The following PTPRZ1 variants were observed in gnomAD, a reference collection of about 807,000 sequenced individuals.
The protein encoded by PTPRZ1 is receptor-type tyrosine-protein phosphatase zeta.
In PTPRZ1, 82 loss-of-function variants were observed where a neutral mutation model predicts 214.1. The ratio of observed to expected loss-of-function variants is 0.38; its 90% CI spans 0.32 to 0.46. The LOEUF (loss-of-function observed/expected upper bound fraction) is 0.46. Among genes scored for constraint, PTPRZ1 ranks in the 20% least tolerant of loss-of-function variants. The pLI, the probability that PTPRZ1 is intolerant of heterozygous loss-of-function variation, is 1.00. For missense variants in PTPRZ1, 2,603 were observed against 2,748.7 expected, an observed-to-expected ratio of 0.95 and a Z score of 1.19; for synonymous variants, 945 against 987.9, an observed-to-expected ratio of 0.96 and a Z score of 0.81.
intron 1 of PTPRZ1, among the ~76,000 whole-genome samples, chr7:121,911,506 G>A (rs1038297609): frequency 9.2e-5 from 14 of 151,948 alleles, no homozygotes; most frequent in African/African-American, 2.9e-4. Flanking sequence ...TTTCTAGATT[G>A]CGTACATTTA....
Position 122,013,618 on chromosome 7 carries a change from T to G in PTPRZ1, c.4572T>G (p.Ile1524Met). Residue 1524 changes from isoleucine (I) to methionine (M), a missense_variant, in exon 12 of 30, where the codon ATT becomes ATG. By Grantham distance (10) the Ile-to-Met change is conservative (BLOSUM62 1). Coordinates refer to ENST00000393386, the MANE Select transcript of PTPRZ1 (RefSeq NM_002851.3). ...KHNDGKEENDIQTGSALLPLS... is the reference protein window; with the variant it reads ...KHNDGKEENDMQTGSALLPLS... The stretch of plus-strand genomic sequence containing the variant: ...ATGATGGAAAAGAGGAAAATGACAT[T>G]CAGACTGGTAGTGCTCTGCTTCCTC... The G allele has an allele frequency of 6.2e-7, 1 of 1,614,166 alleles. No homozygotes were observed. Among genetic ancestry groups the G allele is most frequent in the Non-Finnish European group, 8.5e-7 (1 of 1,180,024 alleles).
chr7:121,943,039 C>T (rs1178449335), intron 2 of PTPRZ1, among the ~76,000 whole-genome samples: 1 of 152,070 alleles, frequency 6.6e-6, no homozygotes. Flanking sequence ...TATTTATTAT[C>T]TGTTTGGTAT....
At chr7:122,006,101 A>G (rs1056883683) in intron 11 of PTPRZ1, among the ~76,000 whole-genome samples, 2 of 152,122 alleles carry the variant, frequency 1.3e-5, no homozygotes, top group Non-Finnish European at 2.9e-5. Context: ...TGAATAGGCT[A>G]CACATGTGAC....
intron 11 of PTPRZ1, among the ~76,000 whole-genome samples, chr7:122,006,294 T>G (rs1027129293): frequency 6.6e-6 from 1 of 152,118 alleles, no homozygotes; most frequent in Non-Finnish European, 1.5e-5. Flanking sequence ...TATATATTAT[T>G]GCTAACTGTA....
intron 1 of PTPRZ1, among the ~76,000 whole-genome samples, chr7:121,909,994 A>T (rs1795222708): frequency 6.6e-6 from 1 of 152,206 alleles, no homozygotes; most frequent in Non-Finnish European, 1.5e-5. Context: ...AGGGCAAAAA[A>T]TACTGTGATA....
chr7:122,001,637 T>C (rs1376130384), intron 10 of PTPRZ1, among the ~76,000 whole-genome samples: 3 of 152,232 alleles, frequency 2.0e-5, no homozygotes, highest in Admixed American at 1.3e-4. Context: ...TCGTGCACTG[T>C]GAAACTTGGC....
At chr7:122,046,870 TG>T (rs147827021) in intron 23 of PTPRZ1, among the ~76,000 whole-genome samples, 5,147 of 152,234 alleles carry the variant, frequency 0.034, 114 homozygotes, top group Non-Finnish European at 0.054. Context: ...AGCGTAGAGA[TG>T]GTTCCTTGAA....
At chr7:122,058,217 G>A (rs2150495628) in intron 27 of PTPRZ1, among the ~76,000 whole-genome samples, 1 of 151,738 alleles carries the variant, frequency 6.6e-6, no homozygotes, top group South Asian at 2.1e-4. Context: ...TTTTAAAAAA[G>A]GTATCATTTT....
At chr7:121,954,035 G>A (rs1459405450) in intron 2 of PTPRZ1, among the ~76,000 whole-genome samples, 1 of 152,068 alleles carries the variant, frequency 6.6e-6, no homozygotes, top group East Asian at 1.9e-4. Flanking sequence ...CAACTAACCA[G>A]TTCTGAATTT....
rs926408148 is a variant in PTPRZ1 at position 122,058,814 on chromosome 7, T to G, written c.6543T>G (p.Leu2181=). 2 of 1,606,246 alleles carry G rather than the reference T, an allele frequency of 1.2e-6. No homozygotes were observed. The highest frequency in any genetic ancestry group is 1.3e-5 in the African/African-American group (1 of 74,664). ...TCTTGTTATAGGATGATTATGTACT[T>G]GAAGTGAGGCACTTTCAGTGTCCTA... is the stretch of plus-strand genomic sequence containing the variant. ...ILEATQDDYV[L]EVRHFQCPKW... The change falls in exon 28 of 30, where the codon CTT becomes CTG. Residue 2181 remains leucine (L), a synonymous_variant. Transcript: ENST00000393386.
chr7:121,877,455 T>C (rs552478534), intron 1 of PTPRZ1, among the ~76,000 whole-genome samples: 45 of 152,298 alleles, frequency 3.0e-4, no homozygotes, highest in African/African-American at 9.9e-4. Flanking sequence ...TTTTTATCCT[T>C]TTTTGAAAAT....
intron 23 of PTPRZ1, among the ~76,000 whole-genome samples, chr7:122,044,860 C>T (rs1380354178): frequency 3.3e-5 from 5 of 151,802 alleles, no homozygotes; most frequent in African/African-American, 1.2e-4. Context: ...ACAGAAAGAA[C>T]TTGTAAAACA....
intron 1 of PTPRZ1, among the ~76,000 whole-genome samples, chr7:121,887,390 C>A (rs1194935296): frequency 3.3e-5 from 5 of 152,086 alleles, no homozygotes; most frequent in African/African-American, 1.2e-4. Flanking sequence ...GTAAGCAACT[C>A]GAGATCACAT....
chr7:121,884,493 G>A (rs1262503124), intron 1 of PTPRZ1, among the ~76,000 whole-genome samples: 1 of 152,012 alleles, frequency 6.6e-6, no homozygotes, highest in Non-Finnish European at 1.5e-5. Flanking sequence ...TTTAATTGTA[G>A]CATATATTCT....
At chr7:122,015,726 A>G (rs538375631) in intron 12 of PTPRZ1, among the ~76,000 whole-genome samples, 1 of 152,138 alleles carries the variant, frequency 6.6e-6, no homozygotes, top group African/African-American at 2.4e-5. Context: ...GAGATGCTAA[A>G]CCTAAAATTA....
intron 1 of PTPRZ1, among the ~76,000 whole-genome samples, chr7:121,919,668 A>G (rs938280203): frequency 6.6e-6 from 1 of 152,040 alleles, no homozygotes; most frequent in African/African-American, 2.4e-5. Flanking sequence ...GTACAATTTA[A>G]TTTTTTTCAC....
intron 25 of PTPRZ1, 64 bp downstream of exon 25, chr7:122,052,003 G>A: frequency 7.5e-7 from 1 of 1,340,330 alleles, no homozygotes; most frequent in Non-Finnish European, 1.0e-6. Flanking sequence ...ACCAGAATGG[G>A]CTGCCAGAAG....
chr7:121,920,358 A>G (rs1333660675), intron 1 of PTPRZ1, among the ~76,000 whole-genome samples: 2 of 152,166 alleles, frequency 1.3e-5, no homozygotes, highest in African/African-American at 2.4e-5. Flanking sequence ...ATACATAAAT[A>G]TAATAACACA....
chr7:121,978,595 C>T (rs1797512710), intron 6 of PTPRZ1, among the ~76,000 whole-genome samples: 1 of 152,104 alleles, frequency 6.6e-6, no homozygotes, highest in East Asian at 1.9e-4. Context: ...GGAAACTGCC[C>T]CCATGATCCA....
Sources: allele counts gnomAD v4.1 joint callset (sites outside exome capture counted in the v4.1 genomes callset), GRCh38; gene constraint gnomAD v4.1.1; transcripts MANE v1.5; gene names NCBI Gene and HGNC (gene_info 2026-07-23, HGNC 2026-07-21).